ABCA5: variants seen among roughly 807,000 people sequenced by gnomAD.
ABCA5 encodes the protein cholesterol transporter ABCA5.
Under a neutral mutation model 206.0 loss-of-function variants are expected in ABCA5, and 163 were observed. The ratio of observed to expected loss-of-function variants is 0.79; its 90% confidence interval spans 0.70 to 0.90. The LOEUF (loss-of-function observed/expected upper bound fraction) is 0.90, where lower values mean the gene tolerates loss of function less well. ABCA5 is among the 40% of genes least tolerant of loss of function. The pLI, the probability that ABCA5 is intolerant of heterozygous loss-of-function variation, is 0.00. For synonymous variants in ABCA5, 609 were observed against 613.8 expected, an observed-to-expected ratio of 0.99 and a Z score of 0.11; for missense variants, 1,859 against 1,912.9, an observed-to-expected ratio of 0.97 and a Z score of 0.53.
At chr17:69,321,766 TAA>T (rs906379400) in intron 1 of ABCA5, among the ~76,000 whole-genome samples, 1 of 145,688 alleles carries the variant, frequency 6.9e-6, no homozygotes, top group Non-Finnish European at 1.5e-5. Flanking sequence ...GTTCAAAATC[TAA>T]AAAAAAAAAG....
chr17:69,267,942 CCTTAT>C lies in ABCA5; in HGVS notation c.3140_3144del (p.Lys1048GlnfsTer7). 3.8e-6 allele frequency: 6 copies of C among 1,572,508 alleles called. No individual in the cohort carries two copies. The highest frequency in any genetic ancestry group is 5.2e-6 in the Non-Finnish European group (6 of 1,143,858). On this transcript the variant is annotated frameshift_variant and splice_region_variant, in exon 23 of 39. Transcript: ENST00000392676. LOFTEE classifies it high-confidence loss of function. ...TTATATATTTTTAACTGAGTCATTA[CCTTAT>C]GATTCTCTGCATTTTCCATGGCAAA...
intron 18 of ABCA5, among the ~76,000 whole-genome samples, chr17:69,283,005 T>TA (rs1301514451): frequency 8.4e-6 from 1 of 119,236 alleles, no homozygotes; most frequent in African/African-American, 3.1e-5. Context: ...TTTTTTTTTT[T>TA]AAACAGGGTC....
At chr17:69,260,515 T>G (rs927440935) in intron 26 of ABCA5, 103 bp from the exon 27 acceptor site, 2 of 761,604 alleles carry the variant, frequency 2.6e-6, no homozygotes, top group Non-Finnish European at 4.2e-6. Flanking sequence ...CTTTCTATAA[T>G]AAGTTAGCTG....
chr17:69,298,229 T>TAGGTAGGA (rs1253604474), intron 9 of ABCA5, among the ~76,000 whole-genome samples: 1 of 33,500 alleles, frequency 3.0e-5, no homozygotes, highest in Admixed American at 3.5e-4. Flanking sequence ...GGAAGGTAGG[T>TAGGTAGGA]AGGAAGGAAG....
chr17:69,261,057 T>C (rs908857152), intron 26 of ABCA5, 68 bp downstream of exon 26: 2 of 1,356,608 alleles, frequency 1.5e-6, no homozygotes, highest in Non-Finnish European at 2.0e-6. Context: ...ATACAAGAAC[T>C]AACATCCCCA....
intron 11 of ABCA5, 90 bp downstream of exon 11, chr17:69,294,565 A>G: frequency 9.2e-7 from 1 of 1,092,708 alleles, no homozygotes; most frequent in Non-Finnish European, 1.3e-6. Context: ...AAATCATGGT[A>G]GAGAAGTTTA....
In ABCA5 at chr17:69,248,329, T is replaced by TA. The variant is rs1568085455; in HGVS notation, c.4766-13dup. On this transcript the variant is annotated splice_polypyrimidine_tract_variant and intron_variant, in intron 37 of 38. Transcript: ENST00000392676. The stretch of plus-strand genomic sequence containing the variant: ...AAAAGCATGTTTAGCTATTAAAATA[T>TA]AAAAATAGTATTTTACTTATCAATA... 2 of 1,479,718 alleles carry TA rather than the reference T, an allele frequency of 1.4e-6. No homozygotes were observed. Among genetic ancestry groups the TA allele is most frequent in the Admixed American group, 3.6e-5 (2 of 55,930 alleles). The allele number at this position is 1,479,718 out of a possible 1,614,324, so 91.7% of individuals were successfully genotyped here.
At position 69,309,383 on chromosome 17, in the gene ABCA5, T is replaced by TA; in HGVS notation, c.347dup (p.Leu116PhefsTer7). The TA allele has an allele frequency of 6.3e-7, 1 of 1,595,572 alleles. No individual in the cohort carries two copies. Among genetic ancestry groups the TA allele is most frequent in the Non-Finnish European group, 8.5e-7 (1 of 1,173,846 alleles). The stretch of plus-strand genomic sequence containing the variant: ...TGCTCGGCTTAGAGAGACTGGATGT[T>TA]AACATTTCTTTTTCATTTGTATATT... On this transcript the variant is annotated frameshift_variant, in exon 4 of 39. Transcript: ENST00000392676. LOFTEE classifies it high-confidence loss of function.
rs200820765 is a variant in ABCA5 at position 69,250,032 on chromosome 17, T to C, written c.4686-48A>G. 3.4e-4 allele frequency: 413 copies of C among 1,209,158 alleles called. 4 individuals carry two copies. In the African/African-American group the frequency reaches 5.5e-3, roughly 16 times the overall value. The allele number at this position is 1,209,158 out of a possible 1,614,324, so 74.9% of individuals were successfully genotyped here. A position where few individuals can be genotyped will look rare whatever the true frequency, so the allele number is the denominator to read the frequency against. ...GAAAAAAATTAAAAATTACTACTAT[T>C]ATGTTCTAAAGCTAAAGTTCAACAT... On this transcript the variant is annotated intron_variant, in intron 36 of 38. Coordinates refer to ENST00000392676, the MANE Select transcript of ABCA5 (RefSeq NM_172232.4).
chr17:69,309,474 T>G, intron 3 of ABCA5, 51 bp from the exon 4 acceptor site: 1 of 1,210,856 alleles, frequency 8.3e-7, no homozygotes, highest in Non-Finnish European at 1.1e-6. Context: ...AATACCACAA[T>G]ACAGTAGATC....
intron 38 of ABCA5, 37 bp downstream of exon 38, chr17:69,248,225 C>T: frequency 8.1e-7 from 1 of 1,237,162 alleles, no homozygotes; most frequent in Non-Finnish European, 1.1e-6. Context: ...ATACTTTCTT[C>T]TATAAAATAA....
At chr17:69,295,630 A>G (rs546589108) in intron 10 of ABCA5, among the ~76,000 whole-genome samples, 17 of 152,292 alleles carry the variant, frequency 1.1e-4, no homozygotes, top group Admixed American at 7.8e-4. Flanking sequence ...ATTTCTCTCA[A>G]CTGGGCATTG....
At chr17:69,308,755 G>A (rs1466363103) in intron 4 of ABCA5, among the ~76,000 whole-genome samples, 1 of 151,998 alleles carries the variant, frequency 6.6e-6, no homozygotes, top group Non-Finnish European at 1.5e-5. Context: ...TTTTCAGAAG[G>A]GCTTTTTGAA....
chr17:69,295,642 C>T (rs2075576925), intron 10 of ABCA5, among the ~76,000 whole-genome samples: 1 of 152,126 alleles, frequency 6.6e-6, no homozygotes, highest in African/African-American at 2.4e-5. Context: ...TGGGCATTGG[C>T]ATAATGTAGG....
Position 69,308,264 on chromosome 17 carries a change from CCTTT to C in ABCA5, c.558+12_558+15del. ...AAATGGCATAGTTTTTGTATTTCTT[CCTTT>C]ATCATATTTACCTGTATAATGGCAG... On this transcript the variant is annotated intron_variant, in intron 5 of 38. Coordinates refer to ENST00000392676, the MANE Select transcript of ABCA5 (RefSeq NM_172232.4). The C allele has an allele frequency of 6.7e-7, 1 of 1,498,910 alleles. No individual in the cohort carries two copies. The highest frequency in any genetic ancestry group is 9.2e-7 in the Non-Finnish European group (1 of 1,084,414). The allele number at this position is 1,498,910 out of a possible 1,614,324, so 92.9% of individuals were successfully genotyped here. A position where few individuals can be genotyped will look rare whatever the true frequency, so the allele number is the denominator to read the frequency against.
chr17:69,257,063 C>A (rs1024033904), intron 28 of ABCA5, among the ~76,000 whole-genome samples: 2 of 151,842 alleles, frequency 1.3e-5, no homozygotes, highest in Admixed American at 1.3e-4. Flanking sequence ...TAATGGAAAA[C>A]AAAGGAACAA....
intron 18 of ABCA5, among the ~76,000 whole-genome samples, chr17:69,282,765 C>CAAAAAA: frequency 9.3e-6 from 1 of 107,960 alleles, no homozygotes; most frequent in Non-Finnish European, 1.9e-5. Flanking sequence ...GAGCAAGACT[C>CAAAAAA]AAAAAAAAAA....
chr17:69,302,946 T>C (rs1333028642), intron 7 of ABCA5, 40 bp from the exon 8 acceptor site: 1 of 1,094,964 alleles, frequency 9.1e-7, no homozygotes, highest in Admixed American at 3.2e-5. Flanking sequence ...AATGTTCATA[T>C]ATACCAGTAT....
At chr17:69,253,118 C>A (rs1176690590) in intron 34 of ABCA5, among the ~76,000 whole-genome samples, 1 of 151,924 alleles carries the variant, frequency 6.6e-6, no homozygotes, top group Non-Finnish European at 1.5e-5. Flanking sequence ...CTATAACCAC[C>A]CAGAGATTTA....
Sources: allele counts gnomAD v4.1 joint callset (sites outside exome capture counted in the v4.1 genomes callset), GRCh38; gene constraint gnomAD v4.1.1; transcripts MANE v1.5; gene names NCBI Gene and HGNC (gene_info 2026-07-23, HGNC 2026-07-21).